Variants in ZNF420 observed in about 807,000 individuals in gnomAD.
The protein encoded by ZNF420 is zinc finger protein 420.
ZNF420 carries 31 observed loss-of-function variants against 44.7 expected under a neutral mutation model. The ratio of observed to expected loss-of-function variants is 0.69; its 90% CI spans 0.52 to 0.94. ZNF420 has a LOEUF of 0.94. Among genes scored for constraint, ZNF420 ranks in the 40% least tolerant of loss-of-function variants. ZNF420 has a pLI of 0.00. For synonymous variants in ZNF420, 245 were observed against 267.4 expected, an observed-to-expected ratio of 0.92 and a Z score of 0.82; for missense variants, 681 against 827.9, an observed-to-expected ratio of 0.82 and a Z score of 2.18.
intron 4 of ZNF420, among the ~76,000 whole-genome samples, chr19:37,112,515 G>A (rs1206342533): frequency 3.3e-5 from 5 of 152,090 alleles, no homozygotes; most frequent in Admixed American, 6.6e-5. Context: ...TTTGGCCACC[G>A]ATTGAAAGCA....
chr19:37,060,967 G>A (rs963901620), intron 1 of ZNF420, among the ~76,000 whole-genome samples: 3 of 152,104 alleles, frequency 2.0e-5, no homozygotes, highest in Admixed American at 6.5e-5. Context: ...GGTGAACTTT[G>A]CAGGAACCTC....
At chr19:37,015,864 G>A (rs1286344590) in intron 1 of ZNF420, among the ~76,000 whole-genome samples, 1 of 152,218 alleles carries the variant, frequency 6.6e-6, no homozygotes, top group Non-Finnish European at 1.5e-5. Context: ...CGAGTGGGAT[G>A]GATTGATCCT....
At chr19:37,015,200 G>A (rs1161651552) in intron 1 of ZNF420, among the ~76,000 whole-genome samples, 1 of 152,210 alleles carries the variant, frequency 6.6e-6, no homozygotes, top group African/African-American at 2.4e-5. Flanking sequence ...GCTGGAGCGC[G>A]GTTTCTCTCA....
In ZNF420 at chr19:37,055,068, T is replaced by G. The variant is rs538578101; in HGVS notation, c.-124-25277T>G. 5.1e-4 allele frequency among the ~76,000 whole-genome samples: 77 copies of G among 152,276 alleles called. 1 individual carries two copies. In the Middle Eastern group the frequency reaches 0.02, roughly 40 times the overall value. ...AAGTGGGACTAATATCTGCTTATTTTGGGAGGTAGGGATTTAAGATACAAG... is the reference window on the plus strand; with the variant it reads ...AAGTGGGACTAATATCTGCTTATTTGGGGAGGTAGGGATTTAAGATACAAG... On this transcript the variant is annotated intron_variant, in intron 1 of 4. Transcript: ENST00000587029.
At chr19:37,110,274 A>G (rs1005228911) in intron 4 of ZNF420, among the ~76,000 whole-genome samples, 3 of 152,226 alleles carry the variant, frequency 2.0e-5, no homozygotes, top group Admixed American at 2.0e-4. Flanking sequence ...ATTAGGACAC[A>G]GACCTCTGGG....
At chr19:37,068,264 A>C (rs1968002134) in intron 1 of ZNF420, among the ~76,000 whole-genome samples, 1 of 152,130 alleles carries the variant, frequency 6.6e-6, no homozygotes, top group South Asian at 2.1e-4. Context: ...GGGGAGGGGG[A>C]ACCAAACTGA....
chr19:37,091,364 T>C, intron 4 of ZNF420: 1 of 272,914 alleles, frequency 3.7e-6, no homozygotes, highest in Non-Finnish European at 6.8e-6. Flanking sequence ...AGATTTGAAG[T>C]TTGGGATACT....
chr19:37,017,529 G>T (rs370799484), intron 1 of ZNF420, among the ~76,000 whole-genome samples: 3 of 152,088 alleles, frequency 2.0e-5, no homozygotes, highest in Non-Finnish European at 4.4e-5. Flanking sequence ...AAATCCTAAC[G>T]TGTAATATAT....
At chr19:37,066,180 C>T (rs1229068137) in intron 1 of ZNF420, among the ~76,000 whole-genome samples, 2 of 152,194 alleles carry the variant, frequency 1.3e-5, no homozygotes, top group Non-Finnish European at 2.9e-5. Context: ...CGGCGGCTCA[C>T]GCCTGTAATC....
intron 1 of ZNF420, among the ~76,000 whole-genome samples, chr19:37,066,489 A>G (rs566958401): frequency 6.6e-5 from 10 of 152,180 alleles, no homozygotes; most frequent in Non-Finnish European, 1.5e-4. Context: ...AAACCAATTA[A>G]AGATGGGCAA....
At chr19:37,011,931 G>A (rs1305258916) in intron 1 of ZNF420, among the ~76,000 whole-genome samples, 1 of 152,162 alleles carries the variant, frequency 6.6e-6, no homozygotes, top group East Asian at 1.9e-4. Context: ...CTCCTCCCAG[G>A]GGCGAGGGAG....
chr19:37,074,885 C>A (rs1968120432), upstream of ZNF420, among the ~76,000 whole-genome samples: 1 of 152,158 alleles, frequency 6.6e-6, no homozygotes, highest in South Asian at 2.1e-4. Flanking sequence ...AATCATTATT[C>A]TTTTAATTTT....
intron 4 of ZNF420, among the ~76,000 whole-genome samples, chr19:37,112,363 G>T (rs888532101): frequency 6.6e-6 from 1 of 152,032 alleles, no homozygotes; most frequent in East Asian, 1.9e-4. Context: ...ACAGATTAAC[G>T]GGAATTGAAG....
chr19:37,093,970 G>T (rs532537671), intron 4 of ZNF420, among the ~76,000 whole-genome samples: 2 of 152,286 alleles, frequency 1.3e-5, no homozygotes, highest in South Asian at 2.1e-4. Context: ...CCACTGAATT[G>T]TGCAGAAATA....
chr19:37,019,769 CAA>C (rs55854312), intron 1 of ZNF420, among the ~76,000 whole-genome samples: 6 of 141,628 alleles, frequency 4.2e-5, no homozygotes, highest in African/African-American at 1.5e-4. Flanking sequence ...TCATCTGTCA[CAA>C]AAAAAAAAAA....
intron 1 of ZNF420, among the ~76,000 whole-genome samples, chr19:37,064,055 T>C (rs1056096632): frequency 3.7e-4 from 56 of 152,178 alleles, no homozygotes; most frequent in Non-Finnish European, 5.0e-4. Flanking sequence ...AGGTTCCGAG[T>C]TGTAGAAAGA....
chr19:37,118,798 A>G (rs1421221103), intron 4 of ZNF420, among the ~76,000 whole-genome samples: 3 of 141,146 alleles, frequency 2.1e-5, no homozygotes, highest in Non-Finnish European at 3.3e-5. Flanking sequence ...ATGGAAAACA[A>G]AAAAAGGCAG....
At chr19:37,097,924 A>G (rs1371505598) in intron 4 of ZNF420, among the ~76,000 whole-genome samples, 3 of 152,102 alleles carry the variant, frequency 2.0e-5, no homozygotes, top group East Asian at 1.9e-4. Context: ...GTAGATTACA[A>G]TATTTTTATA....
At chr19:37,110,277 C>T (rs1230684372) in intron 4 of ZNF420, among the ~76,000 whole-genome samples, 1 of 152,156 alleles carries the variant, frequency 6.6e-6, no homozygotes, top group Non-Finnish European at 1.5e-5. Context: ...AGGACACAGA[C>T]CTCTGGGATT....
Sources: allele counts gnomAD v4.1 joint callset (sites outside exome capture counted in the v4.1 genomes callset), GRCh38; gene constraint gnomAD v4.1.1; transcripts MANE v1.5; gene names NCBI Gene and HGNC (gene_info 2026-07-23, HGNC 2026-07-21).